Variants in SEH1L observed in about 807,000 individuals in gnomAD.
SEH1L encodes the protein nucleoporin SEH1.
A neutral mutation model predicts 49.5 loss-of-function variants in SEH1L; 18 were observed. The observed-to-expected ratio is 0.36, with a 90% CI of 0.25 to 0.54. The LOEUF is 0.54. Ranked by LOEUF, SEH1L falls within the 20% of genes least tolerant of loss-of-function variation. SEH1L has a pLI of 0.87. For synonymous variants in SEH1L, 169 were observed against 178.1 expected, an observed-to-expected ratio of 0.95 and a Z score of 0.41; for missense variants, 404 against 528.8, an observed-to-expected ratio of 0.76 and a Z score of 2.31.
chr18:12,976,770 C>T (rs1047609324), intron 5 of SEH1L: 1 of 152,136 alleles, frequency 6.6e-6, no homozygotes, highest in Non-Finnish European at 1.5e-5. Context: ...CGAGACCATC[C>T]TGGCTAACAT....
chr18:12,958,366 G>A (rs563180288), intron 3 of SEH1L, among the ~76,000 whole-genome samples: 5 of 151,898 alleles, frequency 3.3e-5, no homozygotes, highest in African/African-American at 4.8e-5. Flanking sequence ...GATTACAGGC[G>A]TGAGCCACCA....
intron 4 of SEH1L, 146 bp downstream of exon 4, chr18:12,963,517 T>C: frequency 1.6e-6 from 1 of 621,680 alleles, no homozygotes; most frequent in Non-Finnish European, 2.8e-6. Flanking sequence ...CCCAGGCATG[T>C]CATTTGTCCC....
At chr18:12,982,760 T>TA in intron 7 of SEH1L, 85 bp downstream of exon 7, 3 of 1,121,074 alleles carry the variant, frequency 2.7e-6, no homozygotes, top group Non-Finnish European at 2.5e-6. Context: ...AAATATTTTT[T>TA]GAAAATGGTC....
chr18:12,979,597 C>CG (rs2032078154), intron 6 of SEH1L, among the ~76,000 whole-genome samples: 1 of 152,070 alleles, frequency 6.6e-6, no homozygotes, highest in Non-Finnish European at 1.5e-5. Context: ...ACCTCCCAGA[C>CG]GGGGTGGTGG....
intron 7 of SEH1L, 29 bp downstream of exon 7, chr18:12,982,704 G>A (rs772832528): frequency 1.3e-6 from 2 of 1,520,872 alleles, no homozygotes; most frequent in Admixed American, 2.1e-5. Flanking sequence ...GGTAATTGTT[G>A]GTTTATATTT....
At chr18:12,980,842 C>A (rs1186094609) in intron 6 of SEH1L, among the ~76,000 whole-genome samples, 1 of 138,714 alleles carries the variant, frequency 7.2e-6, no homozygotes, top group Non-Finnish European at 1.6e-5. Flanking sequence ...CACTTCCCTT[C>A]CGGACGGGGC....
chr18:12,950,870 A>G (rs980004350), intron 1 of SEH1L, among the ~76,000 whole-genome samples: 2 of 151,978 alleles, frequency 1.3e-5, no homozygotes, highest in East Asian at 3.8e-4. Flanking sequence ...CCCAGGCTGG[A>G]GTGCAGTGGC....
rs748692771 is a variant in SEH1L, at chr18:12,986,983, C to A, written c.1192C>A (p.Leu398Ile). Reference protein sequence around the residue: ...EHSCDADTANLQYPHPRRRYL... With the variant: ...EHSCDADTANIQYPHPRRRYL... ...CTCTTGCGATGCTGACACTGCCAAC[C>A]TCCAGTATCCTCACCCTCGCAGACG... Residue 398 changes from leucine (L) to isoleucine (I), a missense_variant, in exon 9 of 9, where the codon CTC becomes ATC. By Grantham distance (5) the Leu-to-Ile change is conservative (BLOSUM62 2). Coordinates refer to ENST00000399892, the MANE Select transcript of SEH1L (RefSeq NM_001013437.2). The A allele has an allele frequency of 6.2e-7, 1 of 1,613,974 alleles. No individual in the cohort carries two copies. The highest frequency in any genetic ancestry group is 8.5e-7 in the Non-Finnish European group (1 of 1,179,902).
At chr18:12,963,801 C>T (rs1165404673) in intron 4 of SEH1L, among the ~76,000 whole-genome samples, 2 of 152,208 alleles carry the variant, frequency 1.3e-5, no homozygotes, top group East Asian at 3.9e-4. Flanking sequence ...TAGCCTCCAC[C>T]TCCTGAGTTC....
intron 4 of SEH1L, among the ~76,000 whole-genome samples, chr18:12,966,125 C>T (rs2031442080): frequency 6.9e-6 from 1 of 145,068 alleles, no homozygotes; most frequent in Admixed American, 6.9e-5. Flanking sequence ...CAGAGTCTTG[C>T]TCTGTCACCC....
chr18:12,981,487 C>T (rs1267965128), intron 6 of SEH1L, among the ~76,000 whole-genome samples: 1 of 152,210 alleles, frequency 6.6e-6, no homozygotes, highest in Non-Finnish European at 1.5e-5. Flanking sequence ...GGATCACTCG[C>T]GGTTAGGAGC....
At chr18:12,969,222 C>CAG (rs1568220187) in intron 4 of SEH1L, among the ~76,000 whole-genome samples, 2 of 56,320 alleles carry the variant, frequency 3.6e-5, no homozygotes, top group Non-Finnish European at 9.7e-5. Flanking sequence ...CCCCCCCCCC[C>CAG]CCCCCCACCT....
At chr18:12,981,595 C>G (rs1009165196) in intron 6 of SEH1L, among the ~76,000 whole-genome samples, 3 of 152,094 alleles carry the variant, frequency 2.0e-5, no homozygotes, top group African/African-American at 7.2e-5. Context: ...AAATATATGT[C>G]TTTTTGGAAA....
intron 4 of SEH1L, among the ~76,000 whole-genome samples, chr18:12,968,473 C>A (rs2145636206): frequency 6.6e-6 from 1 of 152,290 alleles, no homozygotes; most frequent in African/African-American, 2.4e-5. Context: ...CTCACTAAGA[C>A]AATGTTTTTT....
intron 3 of SEH1L, among the ~76,000 whole-genome samples, chr18:12,961,530 A>T (rs1483540920): frequency 1.3e-5 from 2 of 152,174 alleles, no homozygotes; most frequent in Non-Finnish European, 2.9e-5. Flanking sequence ...TGTATTAATT[A>T]TTCAGTGGTG....
intron 8 of SEH1L, chr18:12,984,989 G>C (rs959031725): frequency 2.8e-6 from 1 of 362,116 alleles, no homozygotes; most frequent in Non-Finnish European, 4.9e-6. Flanking sequence ...TTGATTTTGA[G>C]GTTTTAAGTA....
intron 4 of SEH1L, among the ~76,000 whole-genome samples, chr18:12,967,032 T>G (rs2145633750): frequency 6.8e-6 from 1 of 147,270 alleles, no homozygotes. Context: ...GTTACATGTA[T>G]TACACTATTT....
Position 12,963,315 on chromosome 18 carries a change from G to A in SEH1L, c.465G>A (p.Leu155=). 1 of 1,614,140 alleles carries A rather than the reference G, an allele frequency of 6.2e-7. No homozygotes were observed. The highest frequency in any genetic ancestry group is 1.1e-5 in the South Asian group (1 of 91,088). Residue 155 remains leucine, a synonymous_variant, in exon 4 of 9, where the codon TTG becomes TTA. Transcript: ENST00000399892. ...TTATGAATCTCAGCCAGTGGTCTTTGCAGCATGAGATCTCATGTAAGCTAA... is the reference window on the plus strand; with the variant it reads ...TTATGAATCTCAGCCAGTGGTCTTTACAGCATGAGATCTCATGTAAGCTAA... ...PDVMNLSQWS[L]QHEISCKLSC... is the part of the protein sequence containing the mutation.
Position 12,963,303 on chromosome 18 carries a change from C to T in SEH1L, c.453C>T (p.Ser151=), listed in dbSNP as rs766686217. The T allele has an allele frequency of 2.5e-6, 4 of 1,613,968 alleles. No homozygotes were observed. In the East Asian group the frequency reaches 6.7e-5, roughly 27 times the overall value. ...IYEAPDVMNL[S]QWSLQHEISC... is the part of the protein sequence containing the mutation. ...AGGCACCAGATGTTATGAATCTCAG[C>T]CAGTGGTCTTTGCAGCATGAGATCT... Residue 151 remains serine, a synonymous_variant, in exon 4 of 9, where the codon AGC becomes AGT. Coordinates refer to ENST00000399892, the MANE Select transcript of SEH1L (RefSeq NM_001013437.2).
Sources: allele counts gnomAD v4.1 joint callset (sites outside exome capture counted in the v4.1 genomes callset), GRCh38; gene constraint gnomAD v4.1.1; transcripts MANE v1.5; gene names NCBI Gene and HGNC (gene_info 2026-07-23, HGNC 2026-07-21).